GLIS2: variants seen among roughly 807,000 people sequenced by gnomAD.
The protein encoded by GLIS2 is GLIS family zinc finger 2, also known as zinc finger protein GLIS2.
In GLIS2, 14 loss-of-function variants were observed where a neutral mutation model predicts 35.6. The ratio of observed to expected loss-of-function variants is 0.39; its 90% CI spans 0.26 to 0.61. GLIS2 has a LOEUF of 0.61. Ranked by LOEUF, GLIS2 falls within the 20% of genes least tolerant of loss-of-function variation. The pLI is 0.48. For missense variants in GLIS2, 675 were observed against 713.4 expected (o/e 0.95, Z 0.61); for synonymous variants, 368 against 325.1 (o/e 1.13, Z -1.42).
At chr16:4,325,105 C>T (rs1210527433) in intron 1 of GLIS2, among the ~76,000 whole-genome samples, 2 of 152,192 alleles carry the variant, frequency 1.3e-5, no homozygotes, top group African/African-American at 4.8e-5. Flanking sequence ...CTCGGCTCTC[C>T]AAGCCTCCTG....
rs147175353 is a variant in GLIS2 at position 4,334,870 on chromosome 16, G to C, written c.415G>C (p.Gly139Arg). ...CCAGTTCTTCCTGCCCCTCGGCTCC[G>C]GGGGGGCCCTGCACCTGCCTGCCTC... ...SFQFFLPLGS[G>R]GALHLPASSF... The change falls in exon 4 of 7, where the codon GGG becomes CGG. Residue 139 changes from glycine to arginine, a missense_variant. This residue lies in a region of GLIS2 where 225 missense variants were observed against 238.7 expected (regional missense o/e 0.94). Transcript: ENST00000433375. 1.4e-5 allele frequency: 22 copies of C among 1,612,496 alleles called. No homozygotes were observed. The African/African-American group carries it at 2.3e-4, about 17-fold the overall frequency.
chr16:4,334,087 A>G (rs180949396), intron 3 of GLIS2, among the ~76,000 whole-genome samples: 35 of 150,654 alleles, frequency 2.3e-4, no homozygotes, highest in African/African-American at 8.1e-4. Context: ...CTACAGGTAC[A>G]CACCATCACA....
At chr16:4,316,052 C>A (rs971072448), upstream of GLIS2, among the ~76,000 whole-genome samples, 1 of 144,084 alleles carries the variant, frequency 6.9e-6, no homozygotes, top group Non-Finnish European at 1.5e-5. Context: ...CCCGCACGGC[C>A]CGGCCGCCGC....
chr16:4,322,326 G>A (rs1026604797), intron 1 of GLIS2, among the ~76,000 whole-genome samples: 1 of 152,156 alleles, frequency 6.6e-6, no homozygotes, highest in Non-Finnish European at 1.5e-5. Context: ...TCTACTCCAT[G>A]ACTGGTAGGG....
At chr16:4,315,259 C>A (rs912937926), upstream of GLIS2, 1 of 152,234 alleles carries the variant, frequency 6.6e-6, no homozygotes, top group East Asian at 1.9e-4. Flanking sequence ...GAGTCGCCCG[C>A]CGTCTCACCA....
In GLIS2 at chr16:4,316,160, G is replaced by T. The variant is rs1165116524; in HGVS notation, c.-161G>T. ...GCGCCCCGTGAGGCCTCGCGCCCCGGCCCCCGCCCGTCCCGGCCCCTCCCC... is the reference window on the plus strand; with the variant it reads ...GCGCCCCGTGAGGCCTCGCGCCCCGTCCCCCGCCCGTCCCGGCCCCTCCCC... On this transcript the variant is annotated 5_prime_UTR_variant, in exon 1 of 7. Coordinates refer to ENST00000433375, the MANE Select transcript of GLIS2 (RefSeq NM_032575.3). Among the ~76,000 whole-genome samples, 3 of 143,872 alleles carry T rather than the reference G, an allele frequency of 2.1e-5. No individual in the cohort carries two copies. The highest frequency in any genetic ancestry group is 7.5e-5 in the African/African-American group (3 of 39,806). The allele number at this position is 143,872 out of a possible 152,430, so 94.4% of individuals were successfully genotyped here.
chr16:4,318,353 G>C (rs2053337692), intron 1 of GLIS2, among the ~76,000 whole-genome samples: 1 of 152,210 alleles, frequency 6.6e-6, no homozygotes, highest in Admixed American at 6.5e-5. Context: ...AAGCCTGGGT[G>C]GAGGGGGGTC....
chr16:4,315,961 C>T (rs2053305528), upstream of GLIS2, among the ~76,000 whole-genome samples: 1 of 148,104 alleles, frequency 6.8e-6, no homozygotes, highest in Non-Finnish European at 1.5e-5. Flanking sequence ...TCCTCCTCGC[C>T]CTCCTCCGCG....
chr16:4,333,530 G>T lies in GLIS2; in HGVS notation c.345+11G>T, dbSNP rs951379228. 2.5e-6 allele frequency: 4 copies of T among 1,605,506 alleles called. No homozygotes were observed. Among genetic ancestry groups the T allele is most frequent in the Admixed American group, 3.3e-5 (2 of 59,798 alleles). Reference sequence around the variant, plus strand: ...GTGCCCAGTGCCTCGGTAAGGAGGGGTGAGAGTTCCGGAGAGAGGGGTGGA... The same window carrying T: ...GTGCCCAGTGCCTCGGTAAGGAGGGTTGAGAGTTCCGGAGAGAGGGGTGGA... On this transcript the variant is annotated intron_variant, in intron 3 of 6. Transcript: ENST00000433375.
chr16:4,337,664 G>A lies in GLIS2; in HGVS notation c.*140G>A. ...CCAGCCCGCCGGGAGCAAGGATGGT[G>A]CTAGGTCATTCATGGCTGGCCTCCC... On this transcript the variant is annotated 3_prime_UTR_variant, in exon 7 of 7. Transcript: ENST00000433375. 7.9e-7 allele frequency: 1 copy of A among 1,266,750 alleles called. No homozygotes were observed. Among genetic ancestry groups the A allele is most frequent in the Non-Finnish European group, 1.1e-6 (1 of 907,722 alleles). The allele number at this position is 1,266,750 out of a possible 1,614,324, so 78.5% of individuals were successfully genotyped here.
At position 4,337,961 on chromosome 16, in the gene GLIS2, A is replaced by C. The variant is rs533863589; in HGVS notation, c.*437A>C. 4.5e-4 allele frequency: 140 copies of C among 311,698 alleles called. No homozygotes were observed. The highest frequency in any genetic ancestry group is 8.1e-4 in the Non-Finnish European group (131 of 161,416). 19.3% of individuals were successfully genotyped at this position (311,698 alleles called of 1,614,324 possible). ...CTCCCCCTTCCTGAGAGGAGCCCCC[A>C]GGGACCAGAGGCCTGCCCTTCCCTC... On this transcript the variant is annotated 3_prime_UTR_variant, in exon 7 of 7. Coordinates refer to ENST00000433375, the MANE Select transcript of GLIS2 (RefSeq NM_032575.3).
Position 4,335,071 on chromosome 16 carries a change from C to CT in GLIS2, c.537dup (p.Glu180Ter), listed in dbSNP as rs1386198264. On this transcript the variant is annotated frameshift_variant, in exon 5 of 7. Transcript: ENST00000433375. LOFTEE classifies it high-confidence loss of function. The surrounding 1 kb of genome is among the most constrained non-coding windows in gnomAD (Gnocchi z 4.6). ...CCCATCCTCCGCAGTGTAACCAGCT[C>CT]TTTGAGCTCCTGCAAGACCTGGTGG... 1 of 1,613,516 alleles carries CT rather than the reference C, an allele frequency of 6.2e-7. No homozygotes were observed. Among genetic ancestry groups the CT allele is most frequent in the Non-Finnish European group, 8.5e-7 (1 of 1,180,042 alleles).
At chr16:4,327,745 C>G (rs1251816396) in intron 1 of GLIS2, among the ~76,000 whole-genome samples, 2 of 151,432 alleles carry the variant, frequency 1.3e-5, no homozygotes. Context: ...CCGAAGCCCC[C>G]GCCGTCCCGG....
At chr16:4,336,111 G>A (rs768867831) in intron 6 of GLIS2, 3 of 192,042 alleles carry the variant, frequency 1.6e-5, no homozygotes, top group Admixed American at 5.3e-5. Context: ...CCAGGCCCAC[G>A]CTGGGCGCCT....
At chr16:4,322,016 G>A (rs1389118111) in intron 1 of GLIS2, among the ~76,000 whole-genome samples, 1 of 152,188 alleles carries the variant, frequency 6.6e-6, no homozygotes, top group African/African-American at 2.4e-5. Flanking sequence ...ACCGAGGCTG[G>A]GGAGGGTGAA....
rs574729681 is a variant in GLIS2, at chr16:4,323,887, G to A, written c.-67+7633G>A. Among the ~76,000 whole-genome samples, 7 of 152,318 alleles carry A rather than the reference G, an allele frequency of 4.6e-5. No individual in the cohort carries two copies. The South Asian group carries it at 8.3e-4, about 18-fold the overall frequency. ...GCCCTGAGTCCCAGGGACCATTGCC[G>A]TGGTGTCTGTTACCTACAAGGAAAC... On this transcript the variant is annotated intron_variant, in intron 1 of 6. Transcript: ENST00000433375.
rs938217152 is a variant in GLIS2 at position 4,332,108 on chromosome 16, C to A, written c.-66-107C>A. The A allele has an allele frequency of 8.2e-6, 7 of 856,624 alleles. No homozygotes were observed. Among genetic ancestry groups the A allele is most frequent in the African/African-American group, 6.7e-5 (4 of 59,824 alleles). The allele number at this position is 856,624 out of a possible 1,614,324, so 53.1% of individuals were successfully genotyped here. On this transcript the variant is annotated intron_variant, in intron 1 of 6. Coordinates refer to ENST00000433375, the MANE Select transcript of GLIS2 (RefSeq NM_032575.3). This position sits in a 1 kb window ranked among gnomAD's most constrained non-coding sequence, Gnocchi z 5.4. ...TCGGAGGGTCTCCCTACCCAGGAGA[C>A]AACCTCACACTGCCCCCTGCTCCTG... is the stretch of plus-strand genomic sequence containing the variant.
chr16:4,325,418 C>T (rs1192224620), intron 1 of GLIS2: 2 of 152,266 alleles, frequency 1.3e-5, no homozygotes, highest in Non-Finnish European at 2.9e-5. Flanking sequence ...TGGGTACTGT[C>T]CTCATGCTGC....
Position 4,332,910 on chromosome 16 carries a change from C to T in GLIS2, c.173-437C>T, listed in dbSNP as rs2053512948. Among the ~76,000 whole-genome samples, 1 of 152,194 alleles carries T rather than the reference C, an allele frequency of 6.6e-6. No homozygotes were observed. The highest frequency in any genetic ancestry group is 2.1e-4 in the South Asian group (1 of 4,836). ...AGCAGAGTCACCCGAAAACCAGATT[C>T]ACCGCTTGTCTGAAGGGGAAGGCTA... On this transcript the variant is annotated intron_variant, in intron 2 of 6. Transcript: ENST00000433375. This position sits in a 1 kb window ranked among gnomAD's most constrained non-coding sequence, Gnocchi z 5.4.
Sources: gnomAD v4.1 joint callset for allele counts (sites outside exome capture counted in the v4.1 genomes callset) on GRCh38, gnomAD v4.1.1 for gene constraint, gnomAD v4.1.1 regional missense constraint, Gnocchi (gnomAD v3.1) non-coding constraint, MANE v1.5 for transcripts, NCBI Gene and HGNC (gene_info 2026-07-23, HGNC 2026-07-21) for gene names.